The following LRSAM1 variants were observed in gnomAD, a reference collection of about 807,000 sequenced individuals.
The protein encoded by LRSAM1 is leucine rich repeat and sterile alpha motif containing 1, also known as E3 ubiquitin-protein ligase LRSAM1.
Under a neutral mutation model 118.1 loss-of-function variants are expected in LRSAM1, and 96 were observed. The observed-to-expected ratio is 0.81, with a 90% CI of 0.69 to 0.96. The LOEUF (loss-of-function observed/expected upper bound fraction) is 0.96. Among genes scored for constraint, LRSAM1 ranks in the 40% least tolerant of loss-of-function variants. LRSAM1 has a pLI of 0.00. For missense variants in LRSAM1, 804 were observed against 915.5 expected, an observed-to-expected ratio of 0.88 and a Z score of 1.57; for synonymous variants, 322 against 364.2, an observed-to-expected ratio of 0.88 and a Z score of 1.32.
At chr9:127,454,931 G>A in intron 3 of LRSAM1, 67 bp from the exon 4 acceptor site, 7 of 1,450,488 alleles carry the variant, frequency 4.8e-6, no homozygotes, top group Non-Finnish European at 6.8e-6. Context: ...TATGTTCTTT[G>A]CCTGGCTTGT....
intron 2 of LRSAM1, 93 bp from the exon 3 acceptor site, chr9:127,454,403 C>A: frequency 2.1e-6 from 2 of 937,000 alleles, no homozygotes; most frequent in Non-Finnish European, 3.4e-6. Context: ...GTCCAGCAGA[C>A]CAGCTGCATG....
chr9:127,485,640 G>T, intron 16 of LRSAM1, 96 bp from the exon 17 acceptor site: 1 of 1,121,038 alleles, frequency 8.9e-7, no homozygotes, highest in Non-Finnish European at 1.4e-6. Context: ...CTCAAGGCCT[G>T]TTCCTCAGTT....
chr9:127,485,468 A>G lies in LRSAM1; in HGVS notation c.1160-268A>G, dbSNP rs1467711775. Among the ~76,000 whole-genome samples the G allele has an allele frequency of 3.3e-5, 5 of 152,284 alleles. No individual in the cohort carries two copies. The East Asian group carries it at 9.7e-4, about 30-fold the overall frequency. On this transcript the variant is annotated intron_variant, in intron 16 of 25. Transcript: ENST00000300417. ...GCTACTCGGGAGGCTGAGGAGGAGA[A>G]TGGCGGGAACCTGGGAGGCAGAGCT...
chr9:127,454,512 C>G lies in LRSAM1; in HGVS notation c.-16C>G. Reference sequence around the variant, plus strand: ...GTGCCCCAGGGTCCTAAAGATCGCTCTGGGAAAAGGGAAGGATGCCGCTCT... The same window carrying G: ...GTGCCCCAGGGTCCTAAAGATCGCTGTGGGAAAAGGGAAGGATGCCGCTCT... On this transcript the variant is annotated 5_prime_UTR_variant, in exon 3 of 26. Coordinates refer to ENST00000300417, the MANE Select transcript of LRSAM1 (RefSeq NM_001005373.4). 1 of 1,614,128 alleles carries G rather than the reference C, an allele frequency of 6.2e-7. No homozygotes were observed.
At chr9:127,470,998 A>G (rs1835145459) in intron 10 of LRSAM1, 1 of 151,976 alleles carries the variant, frequency 6.6e-6, no homozygotes, top group Non-Finnish European at 1.5e-5. Flanking sequence ...AAAAAGAGAG[A>G]GAAAGATTTT....
chr9:127,461,285 G>T lies in LRSAM1; in HGVS notation c.406+28G>T. 3 of 1,598,708 alleles carry T rather than the reference G, an allele frequency of 1.9e-6. No individual in the cohort carries two copies. In the South Asian group the frequency reaches 3.3e-5, roughly 18 times the overall value. On this transcript the variant is annotated intron_variant, in intron 8 of 25. Transcript: ENST00000300417. ...AGGGACCAAGAAGCCGTGTCCGTGT[G>T]ACCCTCCATCAGCTCTGGGCCATCC... is the stretch of plus-strand genomic sequence containing the variant.
At chr9:127,496,868 C>T (rs1836166249) in intron 23 of LRSAM1, among the ~76,000 whole-genome samples, 7 of 152,256 alleles carry the variant, frequency 4.6e-5, no homozygotes. Context: ...GGCTCGTGTG[C>T]TGCTGCTGCT....
chr9:127,483,040 G>C lies in LRSAM1; in HGVS notation c.1159+20G>C, dbSNP rs758268411. The C allele has an allele frequency of 2.5e-6, 4 of 1,606,210 alleles. No individual in the cohort carries two copies. The highest frequency in any genetic ancestry group is 3.4e-6 in the Non-Finnish European group (4 of 1,176,312). ...TTGCCTGTGAGTTTTGGGATGGGGA[G>C]CTTGTGAGCACGCTGCCTGCTGGCT... On this transcript the variant is annotated intron_variant, in intron 16 of 25. Coordinates refer to ENST00000300417, the MANE Select transcript of LRSAM1 (RefSeq NM_001005373.4).
intron 4 of LRSAM1, 27 bp from the exon 5 acceptor site, chr9:127,455,531 AACTGGCAGGAGGGGAGAC>A (rs1171873514): frequency 6.2e-7 from 1 of 1,603,096 alleles, no homozygotes; most frequent in Non-Finnish European, 8.5e-7. Flanking sequence ...ACAAGCTAAA[AACTGGCAGGAGGGGAGAC>A]ACTTACTCTT....
chr9:127,467,274 A>T (rs1588107305), intron 9 of LRSAM1, among the ~76,000 whole-genome samples: 2 of 151,352 alleles, frequency 1.3e-5, no homozygotes, highest in African/African-American at 2.4e-5. Context: ...AAAAATAAAC[A>T]GTTCCAGGTG....
chr9:127,459,414 T>G (rs1834653214), intron 7 of LRSAM1, among the ~76,000 whole-genome samples: 1 of 151,918 alleles, frequency 6.6e-6, no homozygotes, highest in Admixed American at 6.6e-5. Flanking sequence ...AGATGGTGTT[T>G]CGCCTTGTTG....
At chr9:127,485,938 C>A in intron 17 of LRSAM1, 103 bp downstream of exon 17, 1 of 1,060,094 alleles carries the variant, frequency 9.4e-7, no homozygotes, top group Non-Finnish European at 1.4e-6. Context: ...CGCCCTGGGC[C>A]ACCCCAGCCT....
Position 127,455,613 on chromosome 9 carries a change from A to G in LRSAM1, c.167A>G (p.Gln56Arg). 1.2e-6 allele frequency: 2 copies of G among 1,613,740 alleles called. No homozygotes were observed. The highest frequency in any genetic ancestry group is 1.7e-6 in the Non-Finnish European group (2 of 1,180,006). The change falls in exon 5 of 26, where the codon CAG (glutamine) becomes CGG (arginine). Residue 56 changes from glutamine to arginine, a missense_variant. By Grantham distance (43) the Gln-to-Arg change is conservative (BLOSUM62 1). Transcript: ENST00000300417. ...FGAFATCKVL[Q>R]KKVLIVHTNH... ...GCTTTTGCAACATGCAAAGTTCTGC[A>G]GAAGAAGGTAAGATGGAGCTTCATC... is the stretch of plus-strand genomic sequence containing the variant.
intron 6 of LRSAM1, 57 bp from the exon 7 acceptor site, chr9:127,458,946 G>T: frequency 6.3e-7 from 1 of 1,587,336 alleles, no homozygotes; most frequent in Non-Finnish European, 8.6e-7. Flanking sequence ...GCGCTCTGGA[G>T]CCCGGAGTCT....
At chr9:127,454,440 G>T in intron 2 of LRSAM1, 56 bp from the exon 3 acceptor site, 1 of 1,340,668 alleles carries the variant, frequency 7.5e-7, no homozygotes, top group East Asian at 2.3e-5. Context: ...TACCTGTCCC[G>T]GGTGTTGGGG....
At chr9:127,496,311 G>A (rs1016066896) in intron 23 of LRSAM1, among the ~76,000 whole-genome samples, 5 of 152,246 alleles carry the variant, frequency 3.3e-5, no homozygotes, top group African/African-American at 1.2e-4. Context: ...TCCTGGGGAG[G>A]TGGGTCCTGC....
intron 11 of LRSAM1, among the ~76,000 whole-genome samples, chr9:127,475,858 A>G (rs997313751): frequency 6.6e-6 from 1 of 151,990 alleles, no homozygotes; most frequent in African/African-American, 2.4e-5. Context: ...CTCCTGCCTC[A>G]GCCTCCCGAG....
intron 7 of LRSAM1, among the ~76,000 whole-genome samples, 154 bp from the exon 8 acceptor site, chr9:127,461,019 C>A (rs1834721687): frequency 1.3e-5 from 2 of 151,920 alleles, no homozygotes; most frequent in African/African-American, 4.8e-5. Flanking sequence ...CCATGCCCAG[C>A]TAATTTTTGT....
chr9:127,460,335 T>G (rs1345136829), intron 7 of LRSAM1, among the ~76,000 whole-genome samples: 1 of 152,226 alleles, frequency 6.6e-6, no homozygotes, highest in East Asian at 1.9e-4. Flanking sequence ...TGTGTCATCC[T>G]GCTAGCCTTG....
Sources: gnomAD v4.1 joint callset for allele counts (sites outside exome capture counted in the v4.1 genomes callset) on GRCh38, gnomAD v4.1.1 for gene constraint, MANE v1.5 for transcripts, NCBI Gene and HGNC (gene_info 2026-07-23, HGNC 2026-07-21) for gene names.